The following NAA35 variants were observed in gnomAD, a reference collection of about 807,000 sequenced individuals.
NAA35 encodes the protein N-alpha-acetyltransferase 35, NatC auxiliary subunit, also known as MAK10 homolog, amino-acid N-acetyltransferase subunit.
NAA35 carries 18 observed loss-of-function variants against 101.7 expected under a neutral mutation model. That is an observed-to-expected ratio of 0.18 (90% CI 0.12 to 0.26). The LOEUF (loss-of-function observed/expected upper bound fraction) is 0.26. NAA35 is among the 10% of genes least tolerant of loss of function. NAA35 has a pLI of 1.00. For synonymous variants in NAA35, 267 were observed against 273.1 expected, an observed-to-expected ratio of 0.98 and a Z score of 0.22; for missense variants, 601 against 886.8, an observed-to-expected ratio of 0.68 and a Z score of 4.09.
chr9:85,974,923 G>A (rs1438267547), intron 6 of NAA35, 44 bp from the exon 7 acceptor site: 12 of 1,398,366 alleles, frequency 8.6e-6, no homozygotes, highest in Non-Finnish European at 1.2e-5. Flanking sequence ...CGCTATTTAA[G>A]GTTTTTTGCT....
chr9:86,003,578 C>G lies in NAA35; in HGVS notation c.1057-7C>G. 1 of 1,568,168 alleles carries G rather than the reference C, an allele frequency of 6.4e-7. No individual in the cohort carries two copies. Among genetic ancestry groups the G allele is most frequent in the Non-Finnish European group, 8.7e-7 (1 of 1,146,282 alleles). On this transcript the variant is annotated splice_region_variant and splice_polypyrimidine_tract_variant and intron_variant, in intron 12 of 22. Transcript: ENST00000361671. ...ATGACATTGCTTTTTCTTTATATATCTGTTAGGATTTTTTCTGTGAATTTA... is the reference window on the plus strand; with the variant it reads ...ATGACATTGCTTTTTCTTTATATATGTGTTAGGATTTTTTCTGTGAATTTA...
chr9:85,987,202 T>A (rs144348696), intron 11 of NAA35, among the ~76,000 whole-genome samples: 1 of 152,192 alleles, frequency 6.6e-6, no homozygotes, highest in Non-Finnish European at 1.5e-5. Context: ...GAGGATTGAT[T>A]GTTGGTTTTA....
At chr9:85,950,773 A>G (rs1324890201) in intron 2 of NAA35, among the ~76,000 whole-genome samples, 1 of 152,166 alleles carries the variant, frequency 6.6e-6, no homozygotes, top group African/African-American at 2.4e-5. Context: ...ATTATAGTCT[A>G]TGTATGTATT....
chr9:85,980,222 A>G (rs959702915), intron 11 of NAA35, among the ~76,000 whole-genome samples: 2 of 152,150 alleles, frequency 1.3e-5, no homozygotes, highest in Non-Finnish European at 2.9e-5. Flanking sequence ...ACATGTTCAG[A>G]TATCTGGAAG....
chr9:86,007,553 C>A, intron 14 of NAA35, 89 bp downstream of exon 14: 1 of 872,636 alleles, frequency 1.1e-6, no homozygotes, highest in Non-Finnish European at 1.8e-6. Context: ...GCCAAAGTAT[C>A]AAAATTGGGA....
rs572074012 is a variant in NAA35, at chr9:85,990,701, G to T, written c.878-5698G>T. 2.0e-5 allele frequency among the ~76,000 whole-genome samples: 3 copies of T among 152,300 alleles called. No homozygotes were observed. The South Asian group carries it at 6.2e-4, about 32-fold the overall frequency. On this transcript the variant is annotated intron_variant, in intron 11 of 22. Transcript: ENST00000361671. ...ATTCACTCCTAATGCCATGAGATGG[G>T]CCTGAGCACAATGGGCATGTGCGCT... is the stretch of plus-strand genomic sequence containing the variant.
intron 11 of NAA35, 56 bp from the exon 12 acceptor site, chr9:85,996,343 C>A: frequency 1.7e-6 from 2 of 1,147,678 alleles, no homozygotes; most frequent in Non-Finnish European, 2.5e-6. Flanking sequence ...ATAACATTTG[C>A]AGTTTAAAAT....
intron 2 of NAA35, among the ~76,000 whole-genome samples, chr9:85,945,580 C>A (rs184606427): frequency 2.0e-5 from 3 of 147,346 alleles, no homozygotes; most frequent in Admixed American, 2.0e-4. Context: ...GGCTGGAGTG[C>A]AGTGGTGCTG....
Position 86,018,691 on chromosome 9 carries a change from C to G in NAA35, c.1915-8C>G, listed in dbSNP as rs1220949732. 3.1e-6 allele frequency: 5 copies of G among 1,607,114 alleles called. No homozygotes were observed. The highest frequency in any genetic ancestry group is 2.2e-5 in the East Asian group (1 of 44,854). ...CGTGTTTTGAATTATACTTCCCCTTCTTTTTAGGAAATGTCTGACCTCAAT... is the reference window on the plus strand; with the variant it reads ...CGTGTTTTGAATTATACTTCCCCTTGTTTTTAGGAAATGTCTGACCTCAAT... On this transcript the variant is annotated splice_region_variant and splice_polypyrimidine_tract_variant and intron_variant, in intron 20 of 22. Transcript: ENST00000361671.
intron 6 of NAA35, among the ~76,000 whole-genome samples, chr9:85,967,732 G>A (rs1041303002): frequency 5.9e-5 from 9 of 151,896 alleles, no homozygotes; most frequent in African/African-American, 2.2e-4. Flanking sequence ...AACCCGGGAG[G>A]CAGAGCTTGC....
intron 12 of NAA35, among the ~76,000 whole-genome samples, chr9:86,001,150 A>C (rs1054175053): frequency 6.6e-6 from 1 of 152,166 alleles, no homozygotes; most frequent in Non-Finnish European, 1.5e-5. Flanking sequence ...TTTACCCAAA[A>C]GGCATTCAGG....
At chr9:86,021,090 A>C in intron 22 of NAA35, 121 bp downstream of exon 22, 1 of 679,490 alleles carries the variant, frequency 1.5e-6, no homozygotes, top group Non-Finnish European at 2.3e-6. Context: ...CATTCTAAAA[A>C]TTTTAGTTCA....
In NAA35 at chr9:86,016,532, C is replaced by CT. The variant is rs1360174334; in HGVS notation, c.1569-4dup. The CT allele has an allele frequency of 1.2e-6, 2 of 1,611,210 alleles. No individual in the cohort carries two copies. The highest frequency in any genetic ancestry group is 2.7e-5 in the African/African-American group (2 of 74,750). ...CTACCATTAACTAACATTTTGTATC[C>CT]TTTAAGGTATCTCTCTGAATTCCTT... On this transcript the variant is annotated splice_region_variant and splice_polypyrimidine_tract_variant and intron_variant, in intron 17 of 22. Transcript: ENST00000361671.
At position 86,023,597 on chromosome 9, in the gene NAA35, A is replaced by G. The variant is rs968574706; in HGVS notation, c.*1637A>G. ...CCCTTAAAAGCAAAAAAAGGAATGTAGATTAATGCAACAAGGGCCCTGCTA... is the reference window on the plus strand; with the variant it reads ...CCCTTAAAAGCAAAAAAAGGAATGTGGATTAATGCAACAAGGGCCCTGCTA... On this transcript the variant is annotated 3_prime_UTR_variant, in exon 23 of 23. Transcript: ENST00000361671. Among the ~76,000 whole-genome samples the G allele has an allele frequency of 1.6e-4, 24 of 152,238 alleles. No homozygotes were observed. Among genetic ancestry groups the G allele is most frequent in the African/African-American group, 4.8e-4 (20 of 41,462 alleles).
chr9:85,965,791 A>T (rs1033786424), intron 6 of NAA35, among the ~76,000 whole-genome samples: 1 of 152,094 alleles, frequency 6.6e-6, no homozygotes, highest in Non-Finnish European at 1.5e-5. Flanking sequence ...TTTCTTTTTT[A>T]AAAAGGGAGG....
intron 1 of NAA35, 141 bp downstream of exon 1, chr9:85,941,414 G>A: frequency 3.0e-6 from 3 of 985,316 alleles, no homozygotes; most frequent in Non-Finnish European, 3.6e-6. Flanking sequence ...AGGTAGGAGC[G>A]GCGGGCTCCC....
At chr9:86,020,454 A>C (rs933366652) in intron 21 of NAA35, among the ~76,000 whole-genome samples, 1 of 152,150 alleles carries the variant, frequency 6.6e-6, no homozygotes. Flanking sequence ...ATGAAGTTCT[A>C]TATTATTAAA....
intron 11 of NAA35, among the ~76,000 whole-genome samples, chr9:85,995,387 T>C (rs1831111537): frequency 6.6e-6 from 1 of 151,686 alleles, no homozygotes; most frequent in African/African-American, 2.4e-5. Context: ...AGGCTAAAGA[T>C]TTTAGTTTGG....
At chr9:85,955,358 A>ATTTTTT (rs1236843940) in intron 2 of NAA35, among the ~76,000 whole-genome samples, 34 of 47,582 alleles carry the variant, frequency 7.1e-4, no homozygotes, top group East Asian at 2.4e-3. Context: ...ATATATATAT[A>ATTTTTT]TATTTTTTTT....
Sources: gnomAD v4.1 joint callset for allele counts (sites outside exome capture counted in the v4.1 genomes callset) on GRCh38, gnomAD v4.1.1 for gene constraint, MANE v1.5 for transcripts, NCBI Gene and HGNC (gene_info 2026-07-23, HGNC 2026-07-21) for gene names.